Variants in NAALADL2 observed in about 807,000 individuals in gnomAD.
The protein encoded by NAALADL2 is inactive N-acetylated-alpha-linked acidic dipeptidase-like protein 2.
Under a neutral mutation model 87.2 loss-of-function variants are expected in NAALADL2, and 76 were observed. The observed-to-expected ratio is 0.87, with a 90% CI of 0.72 to 1.05. The LOEUF is 1.05. NAALADL2 is among the 50% of genes least tolerant of loss of function. The pLI is 0.00. For synonymous variants in NAALADL2, 354 were observed against 331.0 expected (o/e 1.07, Z -0.75); for missense variants, 1,089 against 945.8 (o/e 1.15, Z -1.99).
chr3:175,628,019 T>C (rs535560440), intron 11 of NAALADL2, among the ~76,000 whole-genome samples: 3 of 151,884 alleles, frequency 2.0e-5, no homozygotes, highest in African/African-American at 7.2e-5. Flanking sequence ...TAAGAAAGTC[T>C]TTTACTGAAT....
intron 5 of NAALADL2, among the ~76,000 whole-genome samples, chr3:175,390,158 A>G (rs1453741641): frequency 6.6e-6 from 1 of 152,180 alleles, no homozygotes; most frequent in African/African-American, 2.4e-5. Flanking sequence ...AAGATTTAAA[A>G]GTGTTCAGGT....
chr3:175,637,918 A>G (rs895960974), intron 11 of NAALADL2, among the ~76,000 whole-genome samples: 1 of 152,192 alleles, frequency 6.6e-6, no homozygotes, highest in Non-Finnish European at 1.5e-5. Flanking sequence ...AGGCACCTAT[A>G]GAGATATTAC....
intron 1 of NAALADL2, among the ~76,000 whole-genome samples, chr3:174,463,251 A>G (rs983515355): frequency 1.3e-5 from 2 of 152,152 alleles, no homozygotes; most frequent in Non-Finnish European, 2.9e-5. Flanking sequence ...GTCCTCAACT[A>G]TCTCTGCTCA....
At chr3:174,901,049 A>G (rs1455822684) in intron 1 of NAALADL2, among the ~76,000 whole-genome samples, 1 of 152,176 alleles carries the variant, frequency 6.6e-6, no homozygotes, top group Non-Finnish European at 1.5e-5. Context: ...AGTGTGTCCA[A>G]CTGTATGATA....
At chr3:174,897,921 G>T (rs1414551899) in intron 1 of NAALADL2, among the ~76,000 whole-genome samples, 1 of 137,732 alleles carries the variant, frequency 7.3e-6, no homozygotes, top group Middle Eastern at 3.4e-3. Context: ...AGACCATCCC[G>T]GCTAAAACGG....
At chr3:174,877,263 A>G (rs1171471844) in intron 1 of NAALADL2, among the ~76,000 whole-genome samples, 1 of 152,158 alleles carries the variant, frequency 6.6e-6, no homozygotes, top group African/African-American at 2.4e-5. Flanking sequence ...CTATGTAGAT[A>G]TCTATGCACC....
At chr3:174,864,247 A>G (rs1010484982) in intron 1 of NAALADL2, among the ~76,000 whole-genome samples, 1 of 152,262 alleles carries the variant, frequency 6.6e-6, no homozygotes, top group Admixed American at 6.6e-5. Context: ...GAAATCAACT[A>G]ACTGAGCTTA....
intron 2 of NAALADL2, among the ~76,000 whole-genome samples, chr3:174,573,155 A>T: frequency 6.6e-6 from 1 of 152,204 alleles, no homozygotes; most frequent in East Asian, 1.9e-4. Flanking sequence ...ATGTTATTTT[A>T]TACTCCCTTA....
At chr3:175,350,747 A>G (rs1284304261) in intron 5 of NAALADL2, among the ~76,000 whole-genome samples, 1 of 152,182 alleles carries the variant, frequency 6.6e-6, no homozygotes, top group Admixed American at 6.6e-5. Context: ...AAGAAGTATT[A>G]AAGTAAACTG....
chr3:175,229,860 T>C (rs1744690385), intron 2 of NAALADL2, among the ~76,000 whole-genome samples: 1 of 151,988 alleles, frequency 6.6e-6, no homozygotes, highest in Non-Finnish European at 1.5e-5. Flanking sequence ...AATATTCATA[T>C]GGAAGATAAA....
chr3:175,639,316 TTC>T (rs1728966785), intron 11 of NAALADL2, among the ~76,000 whole-genome samples: 1 of 140,558 alleles, frequency 7.1e-6, no homozygotes, highest in African/African-American at 3.0e-5. Flanking sequence ...AAAAGCGTTA[TTC>T]TTTTTTTTTT....
chr3:174,463,990 C>T (rs1716371017), intron 1 of NAALADL2, among the ~76,000 whole-genome samples: 1 of 151,980 alleles, frequency 6.6e-6, no homozygotes, highest in Non-Finnish European at 1.5e-5. Context: ...GATTGAAGAA[C>T]ATGAAGTAAA....
chr3:175,467,040 G>A lies in NAALADL2; in HGVS notation c.1389G>A (p.Trp463Ter). 5 of 1,613,776 alleles carry A rather than the reference G, an allele frequency of 3.1e-6. No individual in the cohort carries two copies. Among genetic ancestry groups the A allele is most frequent in the Non-Finnish European group, 4.2e-6 (5 of 1,179,802 alleles). ...CACACAGTTATAATGGACAAGAATGGGCCAGTAGTACTGCAATAATCACAG... is the reference window on the plus strand; with the variant it reads ...CACACAGTTATAATGGACAAGAATGAGCCAGTAGTACTGCAATAATCACAG... ...HTAHSYNGQE[W>*]ASSTAIITAF... The change falls in exon 8 of 14, where the codon TGG becomes TGA. Residue 463 changes from tryptophan to a stop codon, truncating the protein, a stop_gained. Transcript: ENST00000454872. LOFTEE classifies it high-confidence loss of function.
intron 11 of NAALADL2, among the ~76,000 whole-genome samples, chr3:175,695,061 A>G (rs914145094): frequency 1.3e-5 from 2 of 150,368 alleles, no homozygotes; most frequent in Non-Finnish European, 3.0e-5. Context: ...AGAGATCCAT[A>G]TAGGTGCTTG....
intron 1 of NAALADL2, among the ~76,000 whole-genome samples, chr3:174,927,018 A>T (rs1347220881): frequency 1.3e-5 from 2 of 148,872 alleles, no homozygotes; most frequent in African/African-American, 5.1e-5. Flanking sequence ...AAGATCTACC[A>T]AGCAAATGAA....
chr3:175,424,280 A>G (rs570059493), intron 5 of NAALADL2, among the ~76,000 whole-genome samples: 118 of 152,146 alleles, frequency 7.8e-4, no homozygotes, highest in Non-Finnish European at 1.3e-3. Flanking sequence ...CCATTTGTCA[A>G]TTTTGGCTTT....
At chr3:175,800,956 C>T (rs1754073300) in intron 13 of NAALADL2, among the ~76,000 whole-genome samples, 1 of 152,132 alleles carries the variant, frequency 6.6e-6, no homozygotes, top group Admixed American at 6.6e-5. Flanking sequence ...TTACAGGGTT[C>T]TGGCTTAGGG....
At chr3:175,778,411 T>G (rs1750556789) in intron 13 of NAALADL2, among the ~76,000 whole-genome samples, 1 of 152,198 alleles carries the variant, frequency 6.6e-6, no homozygotes, top group South Asian at 2.1e-4. Flanking sequence ...CCTAGCAGTG[T>G]CCTATAGAAG....
At chr3:174,649,019 G>T (rs1285629305) in intron 2 of NAALADL2, among the ~76,000 whole-genome samples, 3 of 152,050 alleles carry the variant, frequency 2.0e-5, no homozygotes, top group Non-Finnish European at 4.4e-5. Context: ...CCCAGGAAAT[G>T]GTGCTACCTT....
Sources: allele counts gnomAD v4.1 joint callset (sites outside exome capture counted in the v4.1 genomes callset), GRCh38; gene constraint gnomAD v4.1.1; transcripts MANE v1.5; gene names NCBI Gene and HGNC (gene_info 2026-07-23, HGNC 2026-07-21).